The following SUGCT variants were observed in gnomAD, a reference collection of about 807,000 sequenced individuals.
The protein encoded by SUGCT is succinyl-CoA:glutarate CoA-transferase.
A neutral mutation model predicts 55.0 loss-of-function variants in SUGCT; 41 were observed. The ratio of observed to expected loss-of-function variants is 0.74; its 90% confidence interval spans 0.58 to 0.97. The LOEUF (loss-of-function observed/expected upper bound fraction) is 0.97, where lower values mean the gene tolerates loss of function less well. Ranked by LOEUF, SUGCT falls within the 50% of genes least tolerant of loss-of-function variation. The pLI, the probability that SUGCT is intolerant of heterozygous loss-of-function variation, is 0.00. For missense variants in SUGCT, 568 were observed against 547.8 expected (o/e 1.04, Z -0.37); for synonymous variants, 187 against 200.4 (o/e 0.93, Z 0.56).
the SUGCT span, among the ~76,000 whole-genome samples, chr7:41,029,794 C>T: frequency 6.6e-6 from 1 of 152,146 alleles, no homozygotes; most frequent in African/African-American, 2.4e-5. Flanking sequence ...AAGGCTCACT[C>T]TTTGTGCTGT....
chr7:40,960,031 G>T, the SUGCT span, among the ~76,000 whole-genome samples: 2 of 151,968 alleles, frequency 1.3e-5, no homozygotes, highest in African/African-American at 4.8e-5. Flanking sequence ...CCATTGAGAT[G>T]TGCCAGGTAC....
the SUGCT span, among the ~76,000 whole-genome samples, chr7:40,948,923 ATG>A: frequency 6.6e-6 from 1 of 152,208 alleles, no homozygotes; most frequent in East Asian, 1.9e-4. Flanking sequence ...ATACGTATGC[ATG>A]TGTCTTTATA....
the SUGCT span, among the ~76,000 whole-genome samples, chr7:40,925,569 A>G: frequency 6.6e-6 from 1 of 152,184 alleles, no homozygotes; most frequent in East Asian, 1.9e-4. Flanking sequence ...ATAAAGCTCA[A>G]TAGGTGTTCT....
chr7:40,660,526 G>A (rs868359799), intron 12 of SUGCT, among the ~76,000 whole-genome samples: 8 of 152,104 alleles, frequency 5.3e-5, no homozygotes, highest in African/African-American at 1.9e-4. Context: ...CAAAGTGCTG[G>A]GATTACAGGC....
At chr7:40,205,398 T>C (rs1283419827) in intron 6 of SUGCT, among the ~76,000 whole-genome samples, 2 of 151,742 alleles carry the variant, frequency 1.3e-5, no homozygotes, top group Admixed American at 6.6e-5. Context: ...TCCCAGCACG[T>C]TGGGAGGCCA....
intron 7 of SUGCT, among the ~76,000 whole-genome samples, chr7:40,272,664 ATTT>A (rs1187514804): frequency 9.7e-5 from 13 of 133,480 alleles, no homozygotes; most frequent in South Asian, 2.5e-4. Context: ...TATTATTATT[ATTT>A]TTTTTTTTTT....
intron 12 of SUGCT, among the ~76,000 whole-genome samples, chr7:40,641,063 A>C (rs1800248685): frequency 6.6e-6 from 1 of 152,228 alleles, no homozygotes; most frequent in Admixed American, 6.5e-5. Context: ...CCTTCGTGAT[A>C]TCTCTCTTCC....
chr7:40,191,985 G>A (rs529572321), intron 5 of SUGCT, among the ~76,000 whole-genome samples: 527 of 151,784 alleles, frequency 3.5e-3, no homozygotes, highest in Non-Finnish European at 5.3e-3. Flanking sequence ...GTGCGTGCCT[G>A]TAGTCCCAGC....
chr7:40,439,036 G>GTA (rs777782149), intron 9 of SUGCT, among the ~76,000 whole-genome samples: 16 of 99,690 alleles, frequency 1.6e-4, no homozygotes, highest in Admixed American at 4.8e-4. Context: ...ATATAATATG[G>GTA]TATATATATA....
At chr7:40,227,138 C>T (rs770324819) in intron 6 of SUGCT, among the ~76,000 whole-genome samples, 25 of 149,404 alleles carry the variant, frequency 1.7e-4, no homozygotes, top group Non-Finnish European at 3.4e-4. Flanking sequence ...CCATCACCTC[C>T]TGGGTTCAAG....
chr7:40,198,772 G>A lies in SUGCT; in HGVS notation c.484+3712G>A, dbSNP rs965426506. On this transcript the variant is annotated intron_variant, in intron 6 of 13. Coordinates refer to ENST00000335693, the MANE Select transcript of SUGCT (RefSeq NM_001193313.2). ...AACACTTTGAGAGGCCAAGGCGGGC[G>A]GATCACCTGAGGTCAGGAGTTCAAG... Among the ~76,000 whole-genome samples, 11 of 151,430 alleles carry A rather than the reference G, an allele frequency of 7.3e-5. No individual in the cohort carries two copies. In the East Asian group the frequency reaches 1.2e-3, roughly 16 times the overall value.
intron 13 of SUGCT, among the ~76,000 whole-genome samples, chr7:40,847,100 T>C (rs1369323343): frequency 6.6e-6 from 1 of 152,208 alleles, no homozygotes; most frequent in Non-Finnish European, 1.5e-5. Context: ...AAAGGAGTAC[T>C]GAGGAACTAG....
intron 12 of SUGCT, chr7:40,499,099 G>A (rs979993497): frequency 6.6e-6 from 3 of 456,558 alleles, no homozygotes; most frequent in Admixed American, 4.7e-5. Flanking sequence ...GTTCAGATGT[G>A]GGAACGCACC....
chr7:40,852,808 A>AT (rs1793921240), intron 13 of SUGCT, among the ~76,000 whole-genome samples: 1 of 151,744 alleles, frequency 6.6e-6, no homozygotes, highest in South Asian at 2.1e-4. Context: ...ATATTATTCC[A>AT]TTTTCAACTT....
intron 8 of SUGCT, among the ~76,000 whole-genome samples, chr7:40,277,080 G>A (rs542261929): frequency 5.9e-5 from 9 of 152,168 alleles, no homozygotes; most frequent in East Asian, 1.9e-4. Flanking sequence ...ATAAGTACTC[G>A]ATAAACAGCT....
intron 5 of SUGCT, among the ~76,000 whole-genome samples, 165 bp downstream of exon 5, chr7:40,189,759 A>G (rs1785781012): frequency 6.6e-6 from 1 of 152,052 alleles, no homozygotes; most frequent in South Asian, 2.1e-4. Flanking sequence ...TGTAAGTGTG[A>G]TGTGCTTTAA....
At chr7:40,690,788 G>A (rs1428533700) in intron 12 of SUGCT, among the ~76,000 whole-genome samples, 2 of 152,110 alleles carry the variant, frequency 1.3e-5, no homozygotes, top group Non-Finnish European at 2.9e-5. Context: ...ATGTTGCCCA[G>A]TTTGATCTTG....
At chr7:40,338,442 C>A (rs1033440939) in intron 9 of SUGCT, among the ~76,000 whole-genome samples, 1 of 152,060 alleles carries the variant, frequency 6.6e-6, no homozygotes, top group East Asian at 1.9e-4. Flanking sequence ...AGGCTTTGTT[C>A]GTCTCTTTAT....
chr7:40,517,766 T>G (rs1482837339), intron 12 of SUGCT, among the ~76,000 whole-genome samples: 2 of 152,130 alleles, frequency 1.3e-5, no homozygotes, highest in East Asian at 3.9e-4. Context: ...TTTCACCACT[T>G]ATGGTTGATT....
Sources: gnomAD v4.1 joint callset for allele counts (sites outside exome capture counted in the v4.1 genomes callset) on GRCh38, gnomAD v4.1.1 for gene constraint, MANE v1.5 for transcripts, NCBI Gene and HGNC (gene_info 2026-07-23, HGNC 2026-07-21) for gene names.